DOT1L: variants seen among roughly 807,000 people sequenced by gnomAD.
DOT1L encodes DOT1 like histone lysine methyltransferase.
A neutral mutation model predicts 153.3 loss-of-function variants in DOT1L; 33 were observed. That is an observed-to-expected ratio of 0.22 (90% CI 0.16 to 0.29). The LOEUF (loss-of-function observed/expected upper bound fraction) is 0.29. DOT1L is among the 10% of genes least tolerant of loss of function. The pLI, the probability that DOT1L is intolerant of heterozygous loss-of-function variation, is 1.00. For synonymous variants in DOT1L, 1,135 were observed against 965.1 expected (o/e 1.18, Z -3.26); for missense variants, 1,847 against 2,119.9 (o/e 0.87, Z 2.53).
intron 8 of DOT1L, among the ~76,000 whole-genome samples, chr19:2,200,865 C>T (rs1158008118): frequency 6.8e-6 from 1 of 146,882 alleles, no homozygotes; most frequent in Non-Finnish European, 1.5e-5. Flanking sequence ...TCCTCATCTT[C>T]CCTGTATTCC....
At chr19:2,224,657 C>G (rs538043080) in intron 25 of DOT1L, among the ~76,000 whole-genome samples, 18 of 152,064 alleles carry the variant, frequency 1.2e-4, no homozygotes, top group Admixed American at 1.2e-3. Flanking sequence ...TTATAGAGAT[C>G]GGGTTTTGCC....
intron 25 of DOT1L, among the ~76,000 whole-genome samples, chr19:2,224,903 TTG>T (rs1281572761): frequency 2.0e-5 from 3 of 152,180 alleles, no homozygotes; most frequent in East Asian, 3.8e-4. Flanking sequence ...CTTTAGGAAT[TTG>T]TGTGTCCCTG....
intron 5 of DOT1L, among the ~76,000 whole-genome samples, chr19:2,192,544 G>A (rs1437448608): frequency 4.0e-5 from 6 of 151,462 alleles, no homozygotes; most frequent in East Asian, 1.9e-4. Flanking sequence ...GTGGTGGCGC[G>A]CGCCTGTAAT....
rs779986018 is a variant in DOT1L, at chr19:2,194,499, G to A, written c.589-16G>A. 1.2e-6 allele frequency: 2 copies of A among 1,613,814 alleles called. No individual in the cohort carries two copies. The highest frequency in any genetic ancestry group is 1.3e-5 in the African/African-American group (1 of 74,926). On this transcript the variant is annotated splice_polypyrimidine_tract_variant and intron_variant, in intron 6 of 27. Transcript: ENST00000398665. ...CCTGAGAGTTTGTAACGGGCGTTTG[G>A]TTTCTTTCCTTCCAGACCATGGACC...
chr19:2,217,344 C>T lies in DOT1L; in HGVS notation c.2544+254C>T, dbSNP rs753561849. On this transcript the variant is annotated intron_variant, in intron 21 of 27. Transcript: ENST00000398665. This position sits in a 1 kb window ranked among gnomAD's most constrained non-coding sequence, Gnocchi z 7.3. ...ATGCCTCTTAGTTCTCAGTGACGGACGGCAAGTGCTGGTAGAGACACAGAG... is the reference window on the plus strand; with the variant it reads ...ATGCCTCTTAGTTCTCAGTGACGGATGGCAAGTGCTGGTAGAGACACAGAG... Among the ~76,000 whole-genome samples the T allele has an allele frequency of 5.9e-5, 9 of 152,112 alleles. No individual in the cohort carries two copies. The highest frequency in any genetic ancestry group is 2.0e-4 in the Admixed American group (3 of 15,276).
intron 2 of DOT1L, among the ~76,000 whole-genome samples, chr19:2,185,468 T>C (rs1193937225): frequency 6.6e-6 from 1 of 152,196 alleles, no homozygotes; most frequent in Non-Finnish European, 1.5e-5. Flanking sequence ...GAGGATGCAG[T>C]GTTTAAGAAC....
At position 2,217,201 on chromosome 19, in the gene DOT1L, A is replaced by T; in HGVS notation, c.2544+111A>T. The T allele has an allele frequency of 7.2e-7, 1 of 1,391,992 alleles. No individual in the cohort carries two copies. The allele number at this position is 1,391,992 out of a possible 1,614,324, so 86.2% of individuals were successfully genotyped here. ...AGTTGACCTTGGGGCACGGTGAGGT[A>T]CTGGGGCTGACCTGGAGTAGGATGT... On this transcript the variant is annotated intron_variant, in intron 21 of 27. Coordinates refer to ENST00000398665, the MANE Select transcript of DOT1L (RefSeq NM_032482.3). The surrounding 1 kb of genome is among the most constrained non-coding windows in gnomAD (Gnocchi z 7.3).
At position 2,220,880 on chromosome 19, in the gene DOT1L, A is replaced by G; in HGVS notation, c.2806+658A>G. 3.6e-6 allele frequency: 1 copy of G among 279,164 alleles called. No individual in the cohort carries two copies. Among genetic ancestry groups the G allele is most frequent in the Non-Finnish European group, 7.1e-6 (1 of 140,422 alleles). 17.3% of individuals were successfully genotyped at this position (279,164 alleles called of 1,614,324 possible). A position where few individuals can be genotyped will look rare whatever the true frequency, so the allele number is the denominator to read the frequency against. On this transcript the variant is annotated intron_variant, in intron 23 of 27. Coordinates refer to ENST00000398665, the MANE Select transcript of DOT1L (RefSeq NM_032482.3). The surrounding 1 kb of genome is among the most constrained non-coding windows in gnomAD (Gnocchi z 4.5). ...ATGCGGCAGCTACTTTTTTAGGAGT[A>G]AAAAGTAAAATGTGGCCGGGCGTGG...
chr19:2,195,653 T>C (rs1166995404), intron 7 of DOT1L, among the ~76,000 whole-genome samples: 3 of 152,112 alleles, frequency 2.0e-5, no homozygotes, highest in Non-Finnish European at 4.4e-5. Flanking sequence ...GCTTCCCTTA[T>C]AAGGCAGAAG....
rs536006574 is a variant in DOT1L, at chr19:2,200,250, C to T, written c.707+311C>T. Among the ~76,000 whole-genome samples, 122 of 152,254 alleles carry T rather than the reference C, an allele frequency of 8.0e-4. 1 individual carries two copies. The highest frequency in any genetic ancestry group is 2.9e-3 in the African/African-American group (120 of 41,558). On this transcript the variant is annotated intron_variant, in intron 8 of 27. Transcript: ENST00000398665. ...CGCCTGGTTTCCTGGGCCTCCTCCC[C>T]GCTCAGGCTTGGTCTGGGGGTCTTC...
chr19:2,186,072 A>G (rs1317759901), intron 3 of DOT1L, 143 bp downstream of exon 3: 4 of 786,238 alleles, frequency 5.1e-6, no homozygotes, highest in South Asian at 3.2e-5. Context: ...CGTGGCCACC[A>G]TAAAGTTATT....
intron 2 of DOT1L, among the ~76,000 whole-genome samples, chr19:2,184,937 C>T (rs552509772): frequency 1.3e-5 from 2 of 152,254 alleles, no homozygotes; most frequent in South Asian, 4.2e-4. Flanking sequence ...CCTTTCTTGT[C>T]CTTTCTTTCC....
In DOT1L at chr19:2,193,559, T is replaced by C. The variant is rs745332319; in HGVS notation, c.494-130T>C. Reference sequence around the variant, plus strand: ...GAGTGACCTTGGAGCATCGGATATGTGTGGAGACTGTGGCCTCCCCTGTGG... The same window carrying C: ...GAGTGACCTTGGAGCATCGGATATGCGTGGAGACTGTGGCCTCCCCTGTGG... On this transcript the variant is annotated intron_variant, in intron 5 of 27. Transcript: ENST00000398665. This position sits in a 1 kb window ranked among gnomAD's most constrained non-coding sequence, Gnocchi z 5.9. 65 of 751,132 alleles carry C rather than the reference T, an allele frequency of 8.7e-5. No individual in the cohort carries two copies. The highest frequency in any genetic ancestry group is 1.4e-4 in the Non-Finnish European group (64 of 449,580). 46.5% of individuals were successfully genotyped at this position (751,132 alleles called of 1,614,324 possible).
Position 2,223,635 on chromosome 19 carries a change from G to A in DOT1L, c.3596+149G>A, listed in dbSNP as rs2024216605. 6.0e-6 allele frequency: 6 copies of A among 1,004,870 alleles called. No homozygotes were observed. In the Admixed American group the frequency reaches 1.4e-4, roughly 23 times the overall value. The allele number at this position is 1,004,870 out of a possible 1,614,324, so 62.2% of individuals were successfully genotyped here. Reference sequence around the variant, plus strand: ...GGAGGAAGGCGTCTGTTTTGTGAGGGGCCTCCCCACAGGTCCTGGGCCCCG... The same window carrying A: ...GGAGGAAGGCGTCTGTTTTGTGAGGAGCCTCCCCACAGGTCCTGGGCCCCG... On this transcript the variant is annotated intron_variant, in intron 25 of 27. Coordinates refer to ENST00000398665, the MANE Select transcript of DOT1L (RefSeq NM_032482.3).
chr19:2,184,538 C>A (rs2022401071), intron 2 of DOT1L, among the ~76,000 whole-genome samples: 1 of 152,114 alleles, frequency 6.6e-6, no homozygotes, highest in African/African-American at 2.4e-5. Context: ...GACTGGGGAG[C>A]AGAGGCCGAA....
rs778393601 is a variant in DOT1L, at chr19:2,226,976, C to A, written c.4455C>A (p.Leu1485=). The part of the protein sequence containing the change: ...ALGPMSLQAN[L]GSVAGSSVLQ... ...GCCCCATGTCCCTGCAGGCCAACCTCGGCTCCGTGGCCGGCTCCTCCGTGC... is the reference window on the plus strand; with the variant it reads ...GCCCCATGTCCCTGCAGGCCAACCTAGGCTCCGTGGCCGGCTCCTCCGTGC... Residue 1485 remains leucine, a synonymous_variant, in exon 27 of 28, where the codon CTC becomes CTA. Transcript: ENST00000398665. The A allele has an allele frequency of 6.3e-7, 1 of 1,591,850 alleles. No individual in the cohort carries two copies. The highest frequency in any genetic ancestry group is 8.5e-7 in the Non-Finnish European group (1 of 1,176,706).
intron 1 of DOT1L, among the ~76,000 whole-genome samples, chr19:2,170,353 G>T (rs961517969): frequency 1.3e-5 from 2 of 152,158 alleles, no homozygotes; most frequent in Non-Finnish European, 2.9e-5. Flanking sequence ...TGGACCTGAT[G>T]CATTTTGCAT....
chr19:2,184,388 G>A (rs993225524), intron 2 of DOT1L, among the ~76,000 whole-genome samples: 3 of 152,134 alleles, frequency 2.0e-5, no homozygotes, highest in African/African-American at 7.2e-5. Context: ...CAGTGTGGAA[G>A]GGTCTTGGAG....
At chr19:2,165,384 G>A (rs141958336) in intron 1 of DOT1L, among the ~76,000 whole-genome samples, 6,497 of 152,266 alleles carry the variant, frequency 0.043, 206 homozygotes, top group East Asian at 0.14. Flanking sequence ...ACTGCCCCGG[G>A]TCGGTGCGAG....
Sources: allele counts gnomAD v4.1 joint callset (sites outside exome capture counted in the v4.1 genomes callset), GRCh38; gene constraint gnomAD v4.1.1; non-coding constraint Gnocchi (gnomAD v3.1); transcripts MANE v1.5; gene names NCBI Gene and HGNC (gene_info 2026-07-23, HGNC 2026-07-21).